Variants in GPM6A observed in about 807,000 individuals in gnomAD.
GPM6A encodes neuronal membrane glycoprotein M6-a.
A neutral mutation model predicts 32.1 loss-of-function variants in GPM6A; 7 were observed. The observed-to-expected ratio is 0.22, with a 90% CI of 0.12 to 0.41. GPM6A has a LOEUF of 0.41. GPM6A is among the 10% of genes least tolerant of loss of function. The probability of loss-of-function intolerance (pLI) is 1.00; values close to 1 mark genes in which losing one functional copy is unlikely to be tolerated. For synonymous variants in GPM6A, 130 were observed against 123.4 expected (o/e 1.05, Z -0.35); for missense variants, 235 against 347.2 (o/e 0.68, Z 2.57).
intron 1 of GPM6A, among the ~76,000 whole-genome samples, chr4:175,730,864 A>G (rs1731398018): frequency 6.6e-6 from 1 of 151,990 alleles, no homozygotes; most frequent in African/African-American, 2.4e-5. Context: ...ACTGCCCACT[A>G]ATGACCCCTC....
At chr4:175,814,136 C>G (rs967064987), upstream of GPM6A, among the ~76,000 whole-genome samples, 2 of 152,224 alleles carry the variant, frequency 1.3e-5, no homozygotes, top group African/African-American at 4.8e-5. Context: ...CCATGGAAAT[C>G]ATTAGTGAAA....
intron 1 of GPM6A, among the ~76,000 whole-genome samples, chr4:175,970,302 C>T (rs1330668175): frequency 2.0e-5 from 3 of 152,116 alleles, no homozygotes; most frequent in East Asian, 3.8e-4. Context: ...ACTCTCATTG[C>T]AGCAAACACA....
chr4:175,718,992 C>A (rs1034911368), intron 1 of GPM6A, among the ~76,000 whole-genome samples: 2 of 152,116 alleles, frequency 1.3e-5, no homozygotes, highest in African/African-American at 4.8e-5. Flanking sequence ...TACTTATAGA[C>A]AGTTTCTTTA....
At chr4:175,985,346 T>TGGTGG (rs1740942145) in intron 1 of GPM6A, among the ~76,000 whole-genome samples, 1 of 152,226 alleles carries the variant, frequency 6.6e-6, no homozygotes, top group Admixed American at 6.5e-5. Context: ...AACTTTTTGC[T>TGGTGG]ATTGTAAATT....
At chr4:175,996,462 G>T (rs558438016) in intron 1 of GPM6A, among the ~76,000 whole-genome samples, 69 of 152,252 alleles carry the variant, frequency 4.5e-4, no homozygotes, top group African/African-American at 1.5e-3. Flanking sequence ...ATTGAGCAAA[G>T]GATTTATGCT....
intron 1 of GPM6A, among the ~76,000 whole-genome samples, chr4:175,746,540 TA>T (rs745935184): frequency 3.3e-5 from 5 of 152,200 alleles, no homozygotes; most frequent in Non-Finnish European, 7.3e-5. Flanking sequence ...TTGGAATTCT[TA>T]TAGGTAAGTT....
At chr4:175,717,394 T>C (rs886341543) in intron 1 of GPM6A, among the ~76,000 whole-genome samples, 2 of 152,200 alleles carry the variant, frequency 1.3e-5, no homozygotes, top group Non-Finnish European at 2.9e-5. Flanking sequence ...CTCTTGATCA[T>C]AATATCCATT....
chr4:175,854,265 A>G (rs1736350223), intron 1 of GPM6A, among the ~76,000 whole-genome samples: 1 of 152,236 alleles, frequency 6.6e-6, no homozygotes, highest in Non-Finnish European at 1.5e-5. Flanking sequence ...AGGACAGAGT[A>G]GAGGTGTTTC....
At chr4:175,895,158 G>C (rs1391584701) in intron 1 of GPM6A, among the ~76,000 whole-genome samples, 1 of 152,110 alleles carries the variant, frequency 6.6e-6, no homozygotes, top group African/African-American at 2.4e-5. Context: ...AAATCATCTT[G>C]TGATTCAGTA....
chr4:175,776,693 C>T (rs985073181), intron 1 of GPM6A, among the ~76,000 whole-genome samples: 1 of 152,098 alleles, frequency 6.6e-6, no homozygotes, highest in Non-Finnish European at 1.5e-5. Context: ...TTTAATGTCC[C>T]TACTAAATGT....
intron 1 of GPM6A, chr4:175,947,713 C>T (rs903303801): frequency 7.2e-5 from 11 of 152,062 alleles, no homozygotes; most frequent in African/African-American, 2.2e-4. Flanking sequence ...AATAAAAAAA[C>T]ACAAATAATT....
intron 1 of GPM6A, among the ~76,000 whole-genome samples, chr4:175,930,431 G>A (rs1182575696): frequency 1.0e-5 from 1 of 98,740 alleles, no homozygotes; most frequent in African/African-American, 2.6e-5. Flanking sequence ...TTTTTGGGGG[G>A]GGGTTTTTTT....
chr4:175,707,531 C>G (rs1169760262), intron 1 of GPM6A, among the ~76,000 whole-genome samples: 1 of 152,140 alleles, frequency 6.6e-6, no homozygotes, highest in Non-Finnish European at 1.5e-5. Context: ...TTTTTATCCA[C>G]AAACTTTAAA....
intron 1 of GPM6A, among the ~76,000 whole-genome samples, chr4:175,940,744 G>T (rs557752244): frequency 6.6e-6 from 1 of 152,060 alleles, no homozygotes; most frequent in African/African-American, 2.4e-5. Context: ...GAGTAGATGG[G>T]ATTACAGGCA....
At chr4:175,760,354 G>A (rs908039185) in intron 1 of GPM6A, among the ~76,000 whole-genome samples, 13 of 152,064 alleles carry the variant, frequency 8.5e-5, no homozygotes, top group Non-Finnish European at 1.5e-4. Context: ...TCAAAATGAA[G>A]AAGCAGGTGT....
At chr4:175,898,430 T>C (rs1295599945) in intron 1 of GPM6A, among the ~76,000 whole-genome samples, 2 of 152,186 alleles carry the variant, frequency 1.3e-5, no homozygotes, top group African/African-American at 4.8e-5. Flanking sequence ...TTGTTTATGG[T>C]ACATCTTTTA....
intron 3 of GPM6A, 86 bp downstream of exon 3, chr4:175,673,594 C>CTT: frequency 3.3e-6 from 3 of 918,174 alleles, no homozygotes; most frequent in Non-Finnish European, 4.8e-6. Flanking sequence ...AAAAAAAATA[C>CTT]TTTAATTCTT....
At chr4:175,759,871 A>G (rs1732671165) in intron 1 of GPM6A, among the ~76,000 whole-genome samples, 1 of 152,162 alleles carries the variant, frequency 6.6e-6, no homozygotes, top group African/African-American at 2.4e-5. Flanking sequence ...GAAAGAATAC[A>G]AGAATGTTAT....
At chr4:176,001,368 C>T (rs1053488511) in intron 1 of GPM6A, among the ~76,000 whole-genome samples, 1 of 152,194 alleles carries the variant, frequency 6.6e-6, no homozygotes, top group African/African-American at 2.4e-5. Context: ...AGAGCAGCAT[C>T]TCCCCTGCGC....
Sources: allele counts gnomAD v4.1 joint callset (sites outside exome capture counted in the v4.1 genomes callset), GRCh38; gene constraint gnomAD v4.1.1; transcripts MANE v1.5; gene names NCBI Gene and HGNC (gene_info 2026-07-23, HGNC 2026-07-21).